The following NDUFAF3 variants were observed in gnomAD, a reference collection of about 807,000 sequenced individuals.
The protein encoded by NDUFAF3 is NADH dehydrogenase [ubiquinone] 1 alpha subcomplex assembly factor 3.
Under a neutral mutation model 22.6 loss-of-function variants are expected in NDUFAF3, and 21 were observed. That is an observed-to-expected ratio of 0.93 (90% CI 0.66 to 1.34). The LOEUF (loss-of-function observed/expected upper bound fraction) is 1.34. Ranked by LOEUF, NDUFAF3 falls within the 40% of genes most tolerant of loss-of-function variation. The pLI is 0.00. For synonymous variants in NDUFAF3, 113 were observed against 104.9 expected (o/e 1.08, Z -0.47); for missense variants, 251 against 248.4 (o/e 1.01, Z -0.07).
At chr3:49,020,660 C>T (rs768278682), upstream of NDUFAF3, 1 of 493,370 alleles carries the variant, frequency 2.0e-6, no homozygotes, top group Non-Finnish European at 4.2e-6. Flanking sequence ...AGCTGGAATG[C>T]TCTGGAGACA....
Position 49,022,369 on chromosome 3 carries a change from T to G in NDUFAF3, c.101T>G (p.Leu34Arg), listed in dbSNP as rs756515962. The part of the protein sequence containing the change: ...LPWAPRRGHR[L>R]SPADDELYQR... ...AGGGCCCCGCGGCGAGGGCATCGGC[T>G]CTCGCCGGCGGATGACGAGCTGTAT... The change falls in exon 2 of 5, where the codon CTC becomes CGC. Residue 34 changes from leucine (L) to arginine (R), a missense_variant. Physicochemically the swap from Leu to Arg is moderately radical, Grantham distance 102. Transcript: ENST00000326925. The surrounding 1 kb of genome is among the most constrained non-coding windows in gnomAD (Gnocchi z 6.6). 2 of 1,612,434 alleles carry G rather than the reference T, an allele frequency of 1.2e-6. No homozygotes were observed. The highest frequency in any genetic ancestry group is 1.7e-6 in the Non-Finnish European group (2 of 1,179,992).
Position 49,023,052 on chromosome 3 carries a change from G to A in NDUFAF3, c.439-4G>A. 1.2e-6 allele frequency: 2 copies of A among 1,614,098 alleles called. No individual in the cohort carries two copies. The highest frequency in any genetic ancestry group is 1.7e-6 in the Non-Finnish European group (2 of 1,179,988). ...ACAGGCTGATGCTGGCCTTTTCTTT[G>A]CAGCCCAATGCCTGTGCCACCTTCA... On this transcript the variant is annotated splice_polypyrimidine_tract_variant and splice_region_variant and intron_variant, in intron 4 of 4. Transcript: ENST00000326925.
At position 49,022,847 on chromosome 3, in the gene NDUFAF3, G is replaced by A. The variant is rs774799785; in HGVS notation, c.338-29G>A. The A allele has an allele frequency of 6.2e-7, 1 of 1,613,452 alleles. No homozygotes were observed. The highest frequency in any genetic ancestry group is 1.3e-5 in the African/African-American group (1 of 74,896). Reference sequence around the variant, plus strand: ...CCCACTGCAGCCTCTCAACAGAACTGTAGACTAGCCACACCCACCCTTCCC... The same window carrying A: ...CCCACTGCAGCCTCTCAACAGAACTATAGACTAGCCACACCCACCCTTCCC... On this transcript the variant is annotated intron_variant, in intron 3 of 4. Coordinates refer to ENST00000326925, the MANE Select transcript of NDUFAF3 (RefSeq NM_199069.2). The surrounding 1 kb of genome is among the most constrained non-coding windows in gnomAD (Gnocchi z 6.6).
At position 49,022,254 on chromosome 3, in the gene NDUFAF3, G is replaced by T. The variant is rs750031963; in HGVS notation, c.77+33G>T. The T allele has an allele frequency of 8.7e-6, 14 of 1,608,942 alleles. No homozygotes were observed. The highest frequency in any genetic ancestry group is 1.3e-5 in the African/African-American group (1 of 74,966). ...TGGACCCCGCGCCCTCGACCATCCA[G>T]CCCCCTAGGGCCGGCGACTGCCAGC... On this transcript the variant is annotated intron_variant, in intron 1 of 4. Coordinates refer to ENST00000326925, the MANE Select transcript of NDUFAF3 (RefSeq NM_199069.2). This position sits in a 1 kb window ranked among gnomAD's most constrained non-coding sequence, Gnocchi z 6.6.
chr3:49,021,447 G>A (rs1233611364), upstream of NDUFAF3: 1 of 153,194 alleles, frequency 6.5e-6, no homozygotes, highest in Non-Finnish European at 1.5e-5. The surrounding 1 kb of genome is among the most constrained non-coding windows in gnomAD (Gnocchi z 4.1). Context: ...GTTCGGCCTG[G>A]TCTGGGCCAG....
rs777760390 is a variant in NDUFAF3 at position 49,022,793 on chromosome 3, AG to A, written c.337+26del. ...GGTACTGGGGAAGGGGAGGGAGAAC[AG>A]AGGTGTTCTGGGCCCCAGAAGGCGA... On this transcript the variant is annotated intron_variant, in intron 3 of 4. Transcript: ENST00000326925. This position sits in a 1 kb window ranked among gnomAD's most constrained non-coding sequence, Gnocchi z 6.6. 9.9e-6 allele frequency: 16 copies of A among 1,613,714 alleles called. No homozygotes were observed. Among genetic ancestry groups the A allele is most frequent in the Non-Finnish European group, 1.3e-5 (15 of 1,179,990 alleles).
chr3:49,023,270 A>G lies in NDUFAF3; in HGVS notation c.*98A>G, dbSNP rs117051791. ...CACTTATCTTGCTTATCAACATAAT[A>G]ATTTATACACTTCTCCCATTTTGTA... On this transcript the variant is annotated 3_prime_UTR_variant, in exon 5 of 5. Coordinates refer to ENST00000326925, the MANE Select transcript of NDUFAF3 (RefSeq NM_199069.2). The G allele has an allele frequency of 9.3e-4, 891 of 959,648 alleles. 10 individuals are homozygous for G. The East Asian group carries it at 0.018, about 19-fold the overall frequency. 59.4% of individuals were successfully genotyped at this position (959,648 alleles called of 1,614,324 possible).
chr3:49,022,109 G>A (rs1371136467), upstream of NDUFAF3: 3 of 1,592,696 alleles, frequency 1.9e-6, no homozygotes, highest in East Asian at 6.9e-5. This position sits in a 1 kb window ranked among gnomAD's most constrained non-coding sequence, Gnocchi z 6.6. Context: ...GGGGACTAAC[G>A]GCGCCGGTGA....
rs527954570 is a variant in NDUFAF3, at chr3:49,022,377, G to A, written c.109G>A (p.Ala37Thr). The change falls in exon 2 of 5, where the codon GCG becomes ACG. Residue 37 changes from alanine (A) to threonine (T), a missense_variant. Transcript: ENST00000326925. The surrounding 1 kb of genome is among the most constrained non-coding windows in gnomAD (Gnocchi z 6.6). ...GCGGCGAGGGCATCGGCTCTCGCCG[G>A]CGGATGACGAGCTGTATCAGCGGAC... is the stretch of plus-strand genomic sequence containing the variant. ...APRRGHRLSP[A>T]DDELYQRTRI... 37 of 1,612,624 alleles carry A rather than the reference G, an allele frequency of 2.3e-5. No homozygotes were observed. The African/African-American group carries it at 4.0e-4, about 17-fold the overall frequency.
upstream of NDUFAF3, chr3:49,020,651 G>A (rs780081963): frequency 2.0e-6 from 1 of 490,322 alleles, no homozygotes; most frequent in Admixed American, 2.2e-5. Flanking sequence ...TCCAAGCGCA[G>A]CTGGAATGCT....
Position 49,023,392 on chromosome 3 carries a change from G to T in NDUFAF3, c.*220G>T. On this transcript the variant is annotated 3_prime_UTR_variant, in exon 5 of 5. Coordinates refer to ENST00000326925, the MANE Select transcript of NDUFAF3 (RefSeq NM_199069.2). ...TCACTTTTTCATCTAGATTACTTAG[G>T]ATTCCTTGACTTTTCAGAAGTCGGG... The T allele has an allele frequency of 1.7e-6, 1 of 602,056 alleles. No homozygotes were observed. The highest frequency in any genetic ancestry group is 3.0e-6 in the Non-Finnish European group (1 of 334,770). The allele number at this position is 602,056 out of a possible 1,614,324, so 37.3% of individuals were successfully genotyped here. A position where few individuals can be genotyped will look rare whatever the true frequency, so the allele number is the denominator to read the frequency against.
rs1241303385 is a variant in NDUFAF3, at chr3:49,022,401, A to T, written c.133A>T (p.Thr45Ser). The T allele has an allele frequency of 6.2e-7, 1 of 1,612,828 alleles. No individual in the cohort carries two copies. The highest frequency in any genetic ancestry group is 2.2e-5 in the East Asian group (1 of 44,862). ...GGCGGATGACGAGCTGTATCAGCGGACGCGCATCTCTCTGCTGCAACGCGA... is the reference window on the plus strand; with the variant it reads ...GGCGGATGACGAGCTGTATCAGCGGTCGCGCATCTCTCTGCTGCAACGCGA... ...SPADDELYQR[T>S]RISLLQREAA... Residue 45 changes from threonine (T) to serine (S), a missense_variant, in exon 2 of 5, where the codon ACG becomes TCG. By Grantham distance (58) the Thr-to-Ser change is moderately conservative (BLOSUM62 1). Coordinates refer to ENST00000326925, the MANE Select transcript of NDUFAF3 (RefSeq NM_199069.2). This position sits in a 1 kb window ranked among gnomAD's most constrained non-coding sequence, Gnocchi z 6.6.
upstream of NDUFAF3, chr3:49,020,578 TG>T: frequency 2.1e-6 from 1 of 472,246 alleles, no homozygotes; most frequent in Non-Finnish European, 4.4e-6. Context: ...AAAGTATGTC[TG>T]GGGGTCAGGG....
At position 49,023,324 on chromosome 3, in the gene NDUFAF3, G is replaced by A. The variant is rs2093180367; in HGVS notation, c.*152G>A. The A allele has an allele frequency of 1.4e-6, 1 of 725,072 alleles. No homozygotes were observed. Among genetic ancestry groups the A allele is most frequent in the African/African-American group, 1.7e-5 (1 of 57,596 alleles). The allele number at this position is 725,072 out of a possible 1,614,324, so 44.9% of individuals were successfully genotyped here. ...GGTGTGTTGCTGGCCAGGAGCTGAT[G>A]GCTCACTGGGCTCTTGGAGGGGAAT... On this transcript the variant is annotated 3_prime_UTR_variant, in exon 5 of 5. Transcript: ENST00000326925.
At chr3:49,021,128 G>T (rs2093152537), upstream of NDUFAF3, 1 of 155,090 alleles carries the variant, frequency 6.4e-6, no homozygotes, top group Non-Finnish European at 1.4e-5. This position sits in a 1 kb window ranked among gnomAD's most constrained non-coding sequence, Gnocchi z 4.1. Context: ...GGCCGAAGGG[G>T]TCCACAGAGC....
chr3:49,022,150 C>CA lies in NDUFAF3; in HGVS notation c.7dup (p.Thr3AsnfsTer7). ...TCGCCGCGCGTTGGTCAGCCATGGC[C>CA]ACCGCTCTCGCGCTACGTAGCTTGT... On this transcript the variant is annotated frameshift_variant, in exon 1 of 5. Coordinates refer to ENST00000326925, the MANE Select transcript of NDUFAF3 (RefSeq NM_199069.2). LOFTEE classifies it high-confidence loss of function. The surrounding 1 kb of genome is among the most constrained non-coding windows in gnomAD (Gnocchi z 6.6). 6.2e-7 allele frequency: 1 copy of CA among 1,609,024 alleles called. No homozygotes were observed.
At position 49,023,041 on chromosome 3, in the gene NDUFAF3, G is replaced by A. The variant is rs2093178112; in HGVS notation, c.439-15G>A. ...CCTGGCGCTAGACAGGCTGATGCTG[G>A]CCTTTTCTTTGCAGCCCAATGCCTG... On this transcript the variant is annotated splice_polypyrimidine_tract_variant and intron_variant, in intron 4 of 4. Transcript: ENST00000326925. 2 of 1,613,936 alleles carry A rather than the reference G, an allele frequency of 1.2e-6. No homozygotes were observed. The highest frequency in any genetic ancestry group is 2.2e-5 in the South Asian group (2 of 91,090).
chr3:49,022,079 C>T, upstream of NDUFAF3: 1 of 1,530,986 alleles, frequency 6.5e-7, no homozygotes, highest in Non-Finnish European at 8.8e-7. This position sits in a 1 kb window ranked among gnomAD's most constrained non-coding sequence, Gnocchi z 6.6. Flanking sequence ...GGGTCAGGCT[C>T]CGCAGGGCCC....
Position 49,022,236 on chromosome 3 carries a change from C to T in NDUFAF3, c.77+15C>T, listed in dbSNP as rs376416161. Reference sequence around the variant, plus strand: ...GAGCTTCCCTGGTGAGCTTGGACCCCGCGCCCTCGACCATCCAGCCCCCTA... The same window carrying T: ...GAGCTTCCCTGGTGAGCTTGGACCCTGCGCCCTCGACCATCCAGCCCCCTA... On this transcript the variant is annotated intron_variant, in intron 1 of 4. Transcript: ENST00000326925. The surrounding 1 kb of genome is among the most constrained non-coding windows in gnomAD (Gnocchi z 6.6). The T allele has an allele frequency of 9.9e-6, 16 of 1,610,306 alleles. No homozygotes were observed. In the African/African-American group the frequency reaches 2.1e-4, roughly 21 times the overall value.
Sources: gnomAD v4.1 joint callset for allele counts on GRCh38, gnomAD v4.1.1 for gene constraint, Gnocchi (gnomAD v3.1) non-coding constraint, MANE v1.5 for transcripts, NCBI Gene and HGNC (gene_info 2026-07-23, HGNC 2026-07-21) for gene names.